Variants in FAM135B observed in about 807,000 individuals in gnomAD.
FAM135B encodes protein FAM135B.
FAM135B carries 43 observed loss-of-function variants against 127.7 expected under a neutral mutation model. The observed-to-expected ratio is 0.34, with a 90% CI of 0.26 to 0.43. The LOEUF (loss-of-function observed/expected upper bound fraction) is 0.43, where lower values mean the gene tolerates loss of function less well. Among genes scored for constraint, FAM135B ranks in the 20% least tolerant of loss-of-function variants. FAM135B has a pLI of 1.00. For missense variants in FAM135B, 1,558 were observed against 1,725.6 expected (o/e 0.90, Z 1.72); for synonymous variants, 670 against 665.1 (o/e 1.01, Z -0.11).
chr8:138,214,122 G>A (rs114134166), intron 7 of FAM135B, among the ~76,000 whole-genome samples: 1,600 of 152,004 alleles, frequency 0.011, 22 homozygotes, highest in African/African-American at 0.037. Context: ...AATCCATTGC[G>A]CAGACAGCCA....
rs576185517 is a variant in FAM135B at position 138,235,604 on chromosome 8, T to A, written c.669+7338A>T. Among the ~76,000 whole-genome samples, 6 of 152,312 alleles carry A rather than the reference T, an allele frequency of 3.9e-5. No homozygotes were observed. The South Asian group carries it at 1.2e-3, about 32-fold the overall frequency. ...TAAGAGAATAAGAAGAAGAGCCTAC[T>A]TAGAAGAAATAAGATTTCTGCCTGA... On this transcript the variant is annotated intron_variant, in intron 7 of 19. Coordinates refer to ENST00000395297, the MANE Select transcript of FAM135B (RefSeq NM_015912.4).
At chr8:138,177,838 T>A (rs2130970983) in intron 10 of FAM135B, among the ~76,000 whole-genome samples, 1 of 152,366 alleles carries the variant, frequency 6.6e-6, no homozygotes, top group South Asian at 2.1e-4. Flanking sequence ...TGTCATCTTG[T>A]TCTAACTAGA....
chr8:138,284,341 T>C (rs1329074075), intron 3 of FAM135B, among the ~76,000 whole-genome samples: 6 of 152,120 alleles, frequency 3.9e-5, no homozygotes, highest in Non-Finnish European at 5.9e-5. Flanking sequence ...TGGCCTTCCT[T>C]CTGCTCAGCC....
intron 13 of FAM135B, among the ~76,000 whole-genome samples, chr8:138,150,376 T>C (rs918940241): frequency 1.3e-5 from 2 of 152,090 alleles, no homozygotes; most frequent in African/African-American, 4.8e-5. Flanking sequence ...GTAATAAAAA[T>C]TGAACAAAAT....
chr8:138,189,280 C>T (rs1815888450), intron 9 of FAM135B, among the ~76,000 whole-genome samples: 1 of 152,178 alleles, frequency 6.6e-6, no homozygotes, highest in South Asian at 2.1e-4. Context: ...ATGCCCTTTC[C>T]AGCTCCCCTT....
At chr8:138,302,477 C>G (rs1007699390) in intron 3 of FAM135B, among the ~76,000 whole-genome samples, 7 of 152,148 alleles carry the variant, frequency 4.6e-5, no homozygotes, top group Non-Finnish European at 8.8e-5. Flanking sequence ...GTCAAGCTAA[C>G]CAGGGGACCC....
chr8:138,298,958 G>A (rs1396232748), intron 3 of FAM135B, among the ~76,000 whole-genome samples: 1 of 151,866 alleles, frequency 6.6e-6, no homozygotes, highest in African/African-American at 2.4e-5. Flanking sequence ...TACTCGGGAG[G>A]CTGAGGCACA....
chr8:138,196,348 G>A (rs908660336), intron 8 of FAM135B, among the ~76,000 whole-genome samples: 41 of 152,166 alleles, frequency 2.7e-4, no homozygotes, highest in African/African-American at 8.7e-4. Flanking sequence ...AAAGAGTAGT[G>A]CCTGAGTACA....
chr8:138,266,381 G>T (rs1168783759), intron 3 of FAM135B, among the ~76,000 whole-genome samples: 1 of 151,868 alleles, frequency 6.6e-6, no homozygotes, highest in Non-Finnish European at 1.5e-5. Flanking sequence ...AGTTTTAAAG[G>T]AATTGGTTTA....
chr8:138,172,103 A>G (rs1356243405), intron 11 of FAM135B, among the ~76,000 whole-genome samples: 2 of 152,260 alleles, frequency 1.3e-5, no homozygotes, highest in African/African-American at 4.8e-5. Flanking sequence ...TAAAGGCAAC[A>G]ATATTTGAAC....
intron 7 of FAM135B, among the ~76,000 whole-genome samples, chr8:138,238,052 T>C (rs1010732079): frequency 6.6e-6 from 1 of 151,734 alleles, no homozygotes; most frequent in African/African-American, 2.4e-5. Flanking sequence ...ATTATCTCTC[T>C]ATACCTTGAG....
intron 1 of FAM135B, chr8:138,438,540 C>T (rs1261586856): frequency 6.6e-6 from 1 of 152,122 alleles, no homozygotes; most frequent in African/African-American, 2.4e-5. Flanking sequence ...AGACTCTATT[C>T]TGGATTATTG....
intron 1 of FAM135B, among the ~76,000 whole-genome samples, chr8:138,478,200 C>T (rs1814604425): frequency 6.6e-6 from 1 of 152,116 alleles, no homozygotes; most frequent in South Asian, 2.1e-4. Context: ...CCTTATCAGT[C>T]CCACCTCCTG....
chr8:138,325,382 T>G (rs756126838), intron 2 of FAM135B, among the ~76,000 whole-genome samples: 1 of 152,164 alleles, frequency 6.6e-6, no homozygotes, highest in Admixed American at 6.5e-5. Context: ...ATCTTTGTTT[T>G]GAAGAGCCAG....
chr8:138,366,901 G>T (rs1178325326), intron 2 of FAM135B, among the ~76,000 whole-genome samples: 1 of 152,158 alleles, frequency 6.6e-6, no homozygotes, highest in Non-Finnish European at 1.5e-5. Flanking sequence ...AACAACAGGA[G>T]ATTTTGTGTA....
chr8:138,203,348 A>C (rs1317327352), intron 7 of FAM135B, among the ~76,000 whole-genome samples: 1 of 152,090 alleles, frequency 6.6e-6, no homozygotes, highest in African/African-American at 2.4e-5. Context: ...CACTTTGCCC[A>C]ACACCCAAGA....
At chr8:138,335,655 T>A (rs1041001480) in intron 2 of FAM135B, among the ~76,000 whole-genome samples, 4 of 152,116 alleles carry the variant, frequency 2.6e-5, no homozygotes, top group African/African-American at 9.7e-5. Flanking sequence ...ACAATAATAA[T>A]GGGAGACTTT....
intron 1 of FAM135B, among the ~76,000 whole-genome samples, chr8:138,393,539 C>A (rs1343204018): frequency 1.3e-5 from 2 of 152,056 alleles, no homozygotes; most frequent in East Asian, 3.9e-4. Context: ...TTACTTCCTG[C>A]AGCTTAGCTT....
At chr8:138,288,525 A>G (rs937929327) in intron 3 of FAM135B, among the ~76,000 whole-genome samples, 1 of 152,064 alleles carries the variant, frequency 6.6e-6, no homozygotes, top group African/African-American at 2.4e-5. Context: ...GAGACAGGGA[A>G]TGATCATGCC....
Sources: allele counts gnomAD v4.1 joint callset (sites outside exome capture counted in the v4.1 genomes callset), GRCh38; gene constraint gnomAD v4.1.1; transcripts MANE v1.5; gene names NCBI Gene and HGNC (gene_info 2026-07-23, HGNC 2026-07-21).